BRCA2: variants seen among roughly 807,000 people sequenced by gnomAD.
BRCA2 encodes breast cancer type 2 susceptibility protein.
BRCA2 carries 203 observed loss-of-function variants against 276.7 expected under a neutral mutation model. The ratio of observed to expected loss-of-function variants is 0.73; its 90% CI spans 0.65 to 0.82. The LOEUF is 0.82. BRCA2 is among the 40% of genes least tolerant of loss of function. The pLI is 0.00. For missense variants in BRCA2, 3,920 were observed against 3,915.0 expected (o/e 1.00, Z -0.03); for synonymous variants, 1,289 against 1,338.4 (o/e 0.96, Z 0.81).
chr13:32,359,086 G>C (rs1313684479), intron 16 of BRCA2, among the ~76,000 whole-genome samples: 3 of 151,922 alleles, frequency 2.0e-5, no homozygotes, highest in Admixed American at 2.0e-4. Context: ...GCTGGACGTG[G>C]TGGCACGCGC....
intron 18 of BRCA2, among the ~76,000 whole-genome samples, chr13:32,367,237 C>A (rs929457195): frequency 6.6e-6 from 1 of 152,092 alleles, no homozygotes; most frequent in African/African-American, 2.4e-5. Flanking sequence ...GAGTTTGAGA[C>A]CAGCCTGGCC....
chr13:32,325,156 C>A lies in BRCA2; in HGVS notation c.397C>A (p.Pro133Thr), dbSNP rs571823764. 6.2e-7 allele frequency: 1 copy of A among 1,601,832 alleles called. No individual in the cohort carries two copies. The highest frequency in any genetic ancestry group is 8.6e-7 in the Non-Finnish European group (1 of 1,169,228). The change falls in exon 4 of 27, where the codon CCA becomes ACA. Residue 133 changes from proline to threonine, a missense_variant. Physicochemically the swap from Pro to Thr is conservative, Grantham distance 38. Transcript: ENST00000380152. ...KMDQADDVSC[P>T]LLNSCLSESP... Reference sequence around the variant, plus strand: ...GGATCAAGCAGATGATGTTTCCTGTCCACTTCTAAATTCTTGTCTTAGTGA... The same window carrying A: ...GGATCAAGCAGATGATGTTTCCTGTACACTTCTAAATTCTTGTCTTAGTGA...
intron 13 of BRCA2, among the ~76,000 whole-genome samples, chr13:32,354,488 A>C (rs892562740): frequency 6.6e-6 from 1 of 152,042 alleles, no homozygotes; most frequent in Non-Finnish European, 1.5e-5. Flanking sequence ...GAAAGAGGGG[A>C]TCTCCTGTGG....
intron 18 of BRCA2, among the ~76,000 whole-genome samples, chr13:32,369,814 T>TA (rs1265809203): frequency 2.6e-5 from 4 of 152,348 alleles, no homozygotes; most frequent in East Asian, 1.9e-4. Flanking sequence ...CCTCAGGTGA[T>TA]ACGCCTGCCT....
intron 2 of BRCA2, among the ~76,000 whole-genome samples, chr13:32,317,001 C>T (rs1334884775): frequency 2.0e-5 from 3 of 152,120 alleles, no homozygotes; most frequent in Admixed American, 6.5e-5. Flanking sequence ...AGTTTGAGAC[C>T]AGCCTGGCCA....
In BRCA2 at chr13:32,340,464, G is replaced by A. The variant is rs1064795651; in HGVS notation, c.6109G>A (p.Glu2037Lys). The A allele has an allele frequency of 1.9e-6, 3 of 1,613,720 alleles. No homozygotes were observed. The highest frequency in any genetic ancestry group is 2.5e-6 in the Non-Finnish European group (3 of 1,179,824). The change falls in exon 11 of 27, where the codon GAA (glutamate) becomes AAA (lysine). Residue 2037 changes from glutamate (E) to lysine (K), a missense_variant. Physicochemically the swap from Glu to Lys is moderately conservative, Grantham distance 56 (BLOSUM62 1). Around this residue, in one of 2 missense-constraint regions of BRCA2, gnomAD observed 3,263 missense variants for 3,156.9 expected, o/e 1.03. Coordinates refer to ENST00000380152, the MANE Select transcript of BRCA2 (RefSeq NM_000059.4). Reference protein sequence around the residue: ...REENTAIRTPEHLISQKGFSY... With the variant: ...REENTAIRTPKHLISQKGFSY... ...AGAAAATACTGCTATACGTACTCCAGAACATTTAATATCCCAAAAAGGCTT... is the reference window on the plus strand; with the variant it reads ...AGAAAATACTGCTATACGTACTCCAAAACATTTAATATCCCAAAAAGGCTT...
chr13:32,379,514 A>G lies in BRCA2; in HGVS notation c.8952A>G (p.Ser2984=), dbSNP rs876660709. ...IVSYSKKEKD[S]VILSIWRPSS... is the part of the protein sequence containing the mutation. Reference sequence around the variant, plus strand: ...GCTATTCAAAAAAAGAAAAAGATTCAGGTAAGTATGTAAATGCTTTGTTTT... The same window carrying G: ...GCTATTCAAAAAAAGAAAAAGATTCGGGTAAGTATGTAAATGCTTTGTTTT... The change falls in exon 22 of 27, where the codon TCA becomes TCG. Residue 2984 remains serine, a splice_region_variant and synonymous_variant. Transcript: ENST00000380152. The G allele has an allele frequency of 5.6e-6, 9 of 1,612,378 alleles. No homozygotes were observed. Among genetic ancestry groups the G allele is most frequent in the Non-Finnish European group, 6.8e-6 (8 of 1,179,464 alleles).
chr13:32,393,928 T>C (rs917874784), intron 24 of BRCA2, among the ~76,000 whole-genome samples: 3 of 152,148 alleles, frequency 2.0e-5, no homozygotes, highest in African/African-American at 2.4e-5. Flanking sequence ...TCCTCCTTTT[T>C]CCCCCACTCA....
chr13:32,316,644 GTGTGTATAAA>G, intron 2 of BRCA2, 117 bp downstream of exon 2: 1 of 876,964 alleles, frequency 1.1e-6, no homozygotes, highest in Non-Finnish European at 1.8e-6. Flanking sequence ...TGTTCCTTAT[GTGTGTATAAA>G]TCCAGTTAAC....
chr13:32,385,512 A>G (rs1349324355), intron 24 of BRCA2: 1 of 224,962 alleles, frequency 4.4e-6, no homozygotes, highest in East Asian at 1.1e-4. Context: ...CCTTGCAGGC[A>G]ACTCCCACTT....
Position 32,398,850 on chromosome 13 carries a change from AT to A in BRCA2, c.*82del. 1 of 1,507,240 alleles carries A rather than the reference AT, an allele frequency of 6.6e-7. No homozygotes were observed. Among genetic ancestry groups the A allele is most frequent in the Non-Finnish European group, 9.0e-7 (1 of 1,112,010 alleles). 93.4% of individuals were successfully genotyped at this position (1,507,240 alleles called of 1,614,324 possible). A position where few individuals can be genotyped will look rare whatever the true frequency, so the allele number is the denominator to read the frequency against. ...ACTGGAATATAATTTCAAACCACAC[AT>A]TAGTACTTATGTTGCACAATGAGAA... On this transcript the variant is annotated 3_prime_UTR_variant, in exon 27 of 27. Transcript: ENST00000380152.
At chr13:32,348,016 T>C (rs76793002) in intron 13 of BRCA2, among the ~76,000 whole-genome samples, 63 of 152,102 alleles carry the variant, frequency 4.1e-4, no homozygotes, top group African/African-American at 1.3e-3. Flanking sequence ...GAAAACTTCA[T>C]AAAAACCTAC....
chr13:32,363,123 C>G lies in BRCA2; in HGVS notation c.7977-56C>G, dbSNP rs2072752442. On this transcript the variant is annotated intron_variant, in intron 17 of 26. Transcript: ENST00000380152. ...TCAGTTATTCAGTGACTTGTTTAAA[C>G]AGTGGAATTCTAGAGTCACACTTCC... is the stretch of plus-strand genomic sequence containing the variant. The G allele has an allele frequency of 2.5e-5, 36 of 1,419,248 alleles. 2 individuals are homozygous for G. The South Asian group carries it at 4.1e-4, about 16-fold the overall frequency. 87.9% of individuals were successfully genotyped at this position (1,419,248 alleles called of 1,614,324 possible). A position where few individuals can be genotyped will look rare whatever the true frequency, so the allele number is the denominator to read the frequency against.
chr13:32,371,212 T>C (rs2137601735), intron 20 of BRCA2, 112 bp downstream of exon 20: 1 of 1,183,432 alleles, frequency 8.4e-7, no homozygotes, highest in African/African-American at 1.6e-5. Flanking sequence ...GAGTAGTAAA[T>C]TGACTTTATT....
chr13:32,376,014 T>C (rs1439306719), intron 20 of BRCA2, among the ~76,000 whole-genome samples: 2 of 152,170 alleles, frequency 1.3e-5, no homozygotes, highest in Non-Finnish European at 2.9e-5. Flanking sequence ...AGTGAGCACA[T>C]ACTGTTGCGA....
chr13:32,381,460 G>T (rs2072923894), intron 24 of BRCA2, among the ~76,000 whole-genome samples: 1 of 152,168 alleles, frequency 6.6e-6, no homozygotes, highest in Non-Finnish European at 1.5e-5. Flanking sequence ...TGACATTTGA[G>T]TGAAGCTTGA....
rs997802158 is a variant in BRCA2, at chr13:32,371,021, A to G, written c.8553A>G (p.Ala2851=). 1.2e-6 allele frequency: 2 copies of G among 1,614,084 alleles called. No homozygotes were observed. The highest frequency in any genetic ancestry group is 1.3e-5 in the African/African-American group (1 of 74,946). The change falls in exon 20 of 27, where the codon GCA becomes GCG. Residue 2851 remains alanine (A), a synonymous_variant. Coordinates refer to ENST00000380152, the MANE Select transcript of BRCA2 (RefSeq NM_000059.4). The part of the protein sequence containing the change: ...FRNEREEEKE[A]AKYVEAQQKR... The stretch of plus-strand genomic sequence containing the variant: ...ATGAAAGAGAGGAAGAAAAGGAAGC[A>G]GCAAAATATGTGGAGGCCCAACAAA...
chr13:32,336,092 C>T (rs1258062392), intron 10 of BRCA2, among the ~76,000 whole-genome samples, 173 bp from the exon 11 acceptor site: 1 of 151,946 alleles, frequency 6.6e-6, no homozygotes, highest in African/African-American at 2.4e-5. Context: ...GTTGCCCAGG[C>T]TAGTCTCGAA....
chr13:32,352,819 A>T lies in BRCA2; in HGVS notation c.7008-2042A>T, dbSNP rs869312526. Among the ~76,000 whole-genome samples, 6 of 152,222 alleles carry T rather than the reference A, an allele frequency of 3.9e-5. No homozygotes were observed. Among genetic ancestry groups the T allele is most frequent in the Non-Finnish European group, 7.3e-5 (5 of 68,030 alleles). On this transcript the variant is annotated intron_variant, in intron 13 of 26. Coordinates refer to ENST00000380152, the MANE Select transcript of BRCA2 (RefSeq NM_000059.4). The stretch of plus-strand genomic sequence containing the variant: ...AGGAGATTAGTAAATACAGGTCTTA[A>T]CCTAGCAGAGGAGGTAGAGGGTAGA...
Sources: gnomAD v4.1 joint callset for allele counts (sites outside exome capture counted in the v4.1 genomes callset) on GRCh38, gnomAD v4.1.1 for gene constraint, gnomAD v4.1.1 regional missense constraint, MANE v1.5 for transcripts, NCBI Gene and HGNC (gene_info 2026-07-23, HGNC 2026-07-21) for gene names.